Variants in TTC28 observed in about 807,000 individuals in gnomAD.
TTC28 encodes tetratricopeptide repeat protein 28.
TTC28 carries 61 observed loss-of-function variants against 198.0 expected under a neutral mutation model. The observed-to-expected ratio is 0.31, with a 90% CI of 0.25 to 0.38. TTC28 has a LOEUF of 0.38. Ranked by LOEUF, TTC28 falls within the 10% of genes least tolerant of loss-of-function variation. TTC28 has a pLI of 1.00. For synonymous variants in TTC28, 1,171 were observed against 1,297.8 expected (o/e 0.90, Z 2.10); for missense variants, 2,678 against 3,164.0 (o/e 0.85, Z 3.69).
chr22:28,565,064 G>A (rs1236385097), intron 2 of TTC28, among the ~76,000 whole-genome samples: 1 of 151,836 alleles, frequency 6.6e-6, no homozygotes, highest in African/African-American at 2.4e-5. Context: ...CCTGCCAAAA[G>A]TGAAGATCCC....
intron 2 of TTC28, among the ~76,000 whole-genome samples, chr22:28,547,285 T>C (rs1174477244): frequency 6.6e-6 from 1 of 152,126 alleles, no homozygotes; most frequent in Non-Finnish European, 1.5e-5. Flanking sequence ...CAATATTCCA[T>C]GGCTGTGTGC....
chr22:28,139,293 CA>C (rs1331142844), intron 6 of TTC28, among the ~76,000 whole-genome samples: 2 of 152,082 alleles, frequency 1.3e-5, no homozygotes, highest in Non-Finnish European at 2.9e-5. Context: ...CAACAGAAAA[CA>C]AAACACAGTT....
At chr22:28,120,233 A>G (rs1338838624) in intron 6 of TTC28, among the ~76,000 whole-genome samples, 1 of 152,176 alleles carries the variant, frequency 6.6e-6, no homozygotes, top group East Asian at 1.9e-4. Context: ...TAGTCTCATA[A>G]ATCTAACTGC....
At chr22:28,426,236 G>T (rs1386387701) in intron 2 of TTC28, among the ~76,000 whole-genome samples, 1 of 144,970 alleles carries the variant, frequency 6.9e-6, no homozygotes. Context: ...AAAAAAGAAA[G>T]AAAGAAAATT....
At chr22:28,082,049 T>C (rs2146810738) in intron 12 of TTC28, among the ~76,000 whole-genome samples, 2 of 152,370 alleles carry the variant, frequency 1.3e-5, no homozygotes, top group South Asian at 4.1e-4. Flanking sequence ...ATTTCCTCTT[T>C]AGATTGTTCA....
chr22:28,357,315 A>ATTTTTTTTTTTTTTT (rs11415868), intron 2 of TTC28, among the ~76,000 whole-genome samples: 1 of 113,486 alleles, frequency 8.8e-6, no homozygotes, highest in Non-Finnish European at 1.7e-5. Flanking sequence ...CAAATTTCTT[A>ATTTTTTTTTTTTTTT]TTTTTTTTTT....
At chr22:28,450,553 C>T (rs2035301999) in intron 2 of TTC28, among the ~76,000 whole-genome samples, 1 of 152,154 alleles carries the variant, frequency 6.6e-6, no homozygotes. Context: ...CAATATATCC[C>T]ATACGTATGA....
chr22:28,370,817 T>C (rs1021198219), intron 2 of TTC28, among the ~76,000 whole-genome samples: 9 of 152,202 alleles, frequency 5.9e-5, no homozygotes, highest in African/African-American at 1.9e-4. Context: ...AAATCCTTGC[T>C]TTTCAATGTT....
chr22:28,421,066 A>G (rs2047245543), intron 2 of TTC28, among the ~76,000 whole-genome samples: 1 of 152,184 alleles, frequency 6.6e-6, no homozygotes, highest in African/African-American at 2.4e-5. Flanking sequence ...GATAAAAGCA[A>G]AAATACCTTA....
chr22:28,555,608 T>C (rs2049773807), intron 2 of TTC28, among the ~76,000 whole-genome samples: 1 of 152,106 alleles, frequency 6.6e-6, no homozygotes, highest in Non-Finnish European at 1.5e-5. Flanking sequence ...AAACCAAACA[T>C]TGTATGTTCT....
chr22:28,346,894 G>A (rs1487866939), intron 2 of TTC28, among the ~76,000 whole-genome samples: 1 of 152,110 alleles, frequency 6.6e-6, no homozygotes, highest in Non-Finnish European at 1.5e-5. Context: ...AATTGTCAAG[G>A]TACAAGCAAG....
intron 12 of TTC28, among the ~76,000 whole-genome samples, chr22:28,033,442 T>G (rs1366961711): frequency 6.6e-6 from 1 of 152,170 alleles, no homozygotes; most frequent in Non-Finnish European, 1.5e-5. Context: ...TTCACATTGC[T>G]TCAACAATGA....
At chr22:28,216,083 G>T (rs1294379078) in intron 5 of TTC28, among the ~76,000 whole-genome samples, 1 of 152,170 alleles carries the variant, frequency 6.6e-6, no homozygotes, top group African/African-American at 2.4e-5. Flanking sequence ...ATTCTGAGAG[G>T]AGATGCACTT....
At chr22:28,438,479 TATATC>T (rs2047558823) in intron 2 of TTC28, among the ~76,000 whole-genome samples, 2 of 152,184 alleles carry the variant, frequency 1.3e-5, no homozygotes, top group Admixed American at 6.5e-5. Flanking sequence ...ACAAGATAAA[TATATC>T]ATATGACTCT....
intron 5 of TTC28, among the ~76,000 whole-genome samples, chr22:28,210,613 C>G (rs897794180): frequency 1.3e-5 from 2 of 151,982 alleles, no homozygotes; most frequent in Non-Finnish European, 2.9e-5. Context: ...GCAAGGACAA[C>G]AGCCTCCAAG....
intron 2 of TTC28, among the ~76,000 whole-genome samples, chr22:28,532,893 T>A (rs1215125157): frequency 6.6e-6 from 1 of 152,148 alleles, no homozygotes; most frequent in Non-Finnish European, 1.5e-5. Flanking sequence ...AACTAGGTAT[T>A]GATGGGACGT....
chr22:28,003,578 T>C (rs1451648857), intron 14 of TTC28, among the ~76,000 whole-genome samples: 1 of 152,210 alleles, frequency 6.6e-6, no homozygotes, highest in African/African-American at 2.4e-5. Context: ...TCCCACAGGC[T>C]ACTGCCTTCA....
At chr22:28,098,834 A>G in intron 10 of TTC28, 81 bp downstream of exon 10, 1 of 1,481,362 alleles carries the variant, frequency 6.8e-7, no homozygotes, top group Non-Finnish European at 9.0e-7. Flanking sequence ...CACCGCTGTC[A>G]CTAAACAACT....
chr22:28,359,116 CA>C (rs1312047283), intron 2 of TTC28, among the ~76,000 whole-genome samples: 1 of 152,108 alleles, frequency 6.6e-6, no homozygotes, highest in Non-Finnish European at 1.5e-5. Context: ...AGGGTAAAAA[CA>C]GTTTGGCATA....
Sources: gnomAD v4.1 joint callset for allele counts (sites outside exome capture counted in the v4.1 genomes callset) on GRCh38, gnomAD v4.1.1 for gene constraint, MANE v1.5 for transcripts, NCBI Gene and HGNC (gene_info 2026-07-23, HGNC 2026-07-21) for gene names.